Variants in RCSD1 observed in about 807,000 individuals in gnomAD.
RCSD1 encodes the protein capZ-interacting protein.
In RCSD1, 26 loss-of-function variants were observed where a neutral mutation model predicts 42.5. That is an observed-to-expected ratio of 0.61 (90% CI 0.45 to 0.85). The LOEUF is 0.85. RCSD1 is among the 40% of genes least tolerant of loss of function. RCSD1 has a pLI of 0.00. For synonymous variants in RCSD1, 220 were observed against 212.2 expected, an observed-to-expected ratio of 1.04 and a Z score of -0.32; for missense variants, 571 against 528.3, an observed-to-expected ratio of 1.08 and a Z score of -0.79.
At chr1:167,685,391 CTGTG>C in intron 2 of RCSD1, 26 bp from the exon 3 acceptor site, 4 of 1,585,026 alleles carry the variant, frequency 2.5e-6, no homozygotes, top group Non-Finnish European at 3.5e-6. Flanking sequence ...CTCTTTTTCT[CTGTG>C]TGTCTGTCTG....
At chr1:167,702,147 G>A (rs571109815) in intron 6 of RCSD1, among the ~76,000 whole-genome samples, 34 of 152,332 alleles carry the variant, frequency 2.2e-4, no homozygotes, top group South Asian at 2.1e-4. Context: ...AACAAATAAC[G>A]ACAAGGCAGT....
intron 1 of RCSD1, among the ~76,000 whole-genome samples, chr1:167,660,524 C>T (rs1378826709): frequency 1.3e-5 from 2 of 151,558 alleles, no homozygotes; most frequent in Non-Finnish European, 2.9e-5. Context: ...GGCTGGAGTG[C>T]AGTCATAGCT....
chr1:167,658,275 T>A (rs1050385596), intron 1 of RCSD1, among the ~76,000 whole-genome samples: 1 of 152,232 alleles, frequency 6.6e-6, no homozygotes, highest in Non-Finnish European at 1.5e-5. Context: ...TACATATACA[T>A]TGTGAGCATA....
chr1:167,635,326 C>A (rs1024222479), intron 1 of RCSD1, among the ~76,000 whole-genome samples: 13 of 152,118 alleles, frequency 8.5e-5, no homozygotes, highest in Middle Eastern at 3.2e-3. Flanking sequence ...CTCTGGCTCC[C>A]GCGTGTTCTG....
intron 1 of RCSD1, among the ~76,000 whole-genome samples, chr1:167,656,595 C>G (rs189941194): frequency 6.6e-6 from 1 of 152,098 alleles, no homozygotes; most frequent in Non-Finnish European, 1.5e-5. Flanking sequence ...GAAAAATGAC[C>G]CAATGTAACA....
intron 1 of RCSD1, among the ~76,000 whole-genome samples, chr1:167,647,590 TA>T (rs1658190127): frequency 6.6e-6 from 1 of 150,942 alleles, no homozygotes; most frequent in Non-Finnish European, 1.5e-5. Flanking sequence ...ATAAATAAAA[TA>T]AAAGCAGTGC....
chr1:167,656,058 T>C (rs1353109159), intron 1 of RCSD1, among the ~76,000 whole-genome samples: 2 of 152,218 alleles, frequency 1.3e-5, no homozygotes, highest in Non-Finnish European at 2.9e-5. Flanking sequence ...ATCTGTCTTT[T>C]AGAAGCAACA....
rs945875 is a variant in RCSD1 at position 167,704,046 on chromosome 1, A to G, written c.1219-618A>G. ...TTCCCAAATGTTTCCATTTCTCAGC[A>G]AAAGAACTGATGGGGACGAGGCTGG... On this transcript the variant is annotated intron_variant, in intron 6 of 6. Coordinates refer to ENST00000367854, the MANE Select transcript of RCSD1 (RefSeq NM_052862.4). Among the ~76,000 whole-genome samples, 149 of 152,284 alleles carry G rather than the reference A, an allele frequency of 9.8e-4. 2 individuals are homozygous for G. In the South Asian group the frequency reaches 0.029, roughly 30 times the overall value.
In RCSD1 at chr1:167,705,863, A is replaced by G. The variant is rs923063931; in HGVS notation, c.*1167A>G. On this transcript the variant is annotated 3_prime_UTR_variant, in exon 7 of 7. Coordinates refer to ENST00000367854, the MANE Select transcript of RCSD1 (RefSeq NM_052862.4). ...TTGACTTGTATCCTCTCCCCTCTTC[A>G]TACACTCCTGCTGAAAAATGTTAAT... 4 of 152,188 alleles carry G rather than the reference A, an allele frequency of 2.6e-5. No homozygotes were observed. The highest frequency in any genetic ancestry group is 5.9e-5 in the Non-Finnish European group (4 of 68,046). The allele number at this position is 152,188 out of a possible 1,614,324, so 9.4% of individuals were successfully genotyped here. A position where few individuals can be genotyped will look rare whatever the true frequency, so the allele number is the denominator to read the frequency against.
intron 1 of RCSD1, among the ~76,000 whole-genome samples, chr1:167,665,316 ATAG>A (rs1658630641): frequency 6.6e-6 from 1 of 151,970 alleles, no homozygotes; most frequent in Admixed American, 6.6e-5. Context: ...TTATTGCTGA[ATAG>A]TATTCCATAA....
Position 167,694,254 on chromosome 1 carries a change from C to A in RCSD1, c.426C>A (p.Val142=). 6.2e-7 allele frequency: 1 copy of A among 1,614,242 alleles called. No homozygotes were observed. The highest frequency in any genetic ancestry group is 8.5e-7 in the Non-Finnish European group (1 of 1,180,050). The change falls in exon 5 of 7, where the codon GTC becomes GTA. Residue 142 remains valine (V), a synonymous_variant. Coordinates refer to ENST00000367854, the MANE Select transcript of RCSD1 (RefSeq NM_052862.4). ...SRPSEAEEVP[V]SFDQPPEGSH... Reference sequence around the variant, plus strand: ...CCAGCGAGGCAGAGGAGGTGCCTGTCAGCTTCGACCAGCCCCCTGAAGGCA... The same window carrying A: ...CCAGCGAGGCAGAGGAGGTGCCTGTAAGCTTCGACCAGCCCCCTGAAGGCA...
rs1014232996 is a variant in RCSD1, at chr1:167,704,811, G to A, written c.*115G>A. 10 of 1,023,250 alleles carry A rather than the reference G, an allele frequency of 9.8e-6. No individual in the cohort carries two copies. In the Admixed American group the frequency reaches 1.5e-4, roughly 16 times the overall value. 63.4% of individuals were successfully genotyped at this position (1,023,250 alleles called of 1,614,324 possible). The stretch of plus-strand genomic sequence containing the variant: ...ATTGCAGAGGCAGAATATGCTGAGT[G>A]TCTGGAGTCAGCCTGAAGACACAGG... On this transcript the variant is annotated 3_prime_UTR_variant, in exon 7 of 7. Coordinates refer to ENST00000367854, the MANE Select transcript of RCSD1 (RefSeq NM_052862.4).
intron 4 of RCSD1, among the ~76,000 whole-genome samples, chr1:167,691,982 C>T (rs931160377): frequency 1.9e-4 from 29 of 152,142 alleles, no homozygotes; most frequent in African/African-American, 6.5e-4. Context: ...TGTAGCCCAC[C>T]CTAGCCCTCA....
At chr1:167,679,850 G>A (rs1297173850) in intron 1 of RCSD1, among the ~76,000 whole-genome samples, 2 of 152,292 alleles carry the variant, frequency 1.3e-5, no homozygotes, top group East Asian at 1.9e-4. Context: ...AGTCTGGCCT[G>A]TACATAAAGG....
At chr1:167,687,378 G>GC (rs11384646) in intron 3 of RCSD1, among the ~76,000 whole-genome samples, 29,476 of 151,902 alleles carry the variant, frequency 0.19, 5,557 homozygotes, top group African/African-American at 0.49. Context: ...CAAAAAATTA[G>GC]CAGGCGTGGT....
At chr1:167,667,938 T>C (rs1277456270) in intron 1 of RCSD1, among the ~76,000 whole-genome samples, 2 of 152,128 alleles carry the variant, frequency 1.3e-5, no homozygotes, top group African/African-American at 2.4e-5. Flanking sequence ...GAATAACACA[T>C]GGTCTGTGTG....
chr1:167,664,658 G>A (rs1204664265), intron 1 of RCSD1: 1 of 152,232 alleles, frequency 6.6e-6, no homozygotes, highest in African/African-American at 2.4e-5. Context: ...TAATCCTTGT[G>A]CTTTGGGAGG....
chr1:167,677,841 G>T (rs1180243880), intron 1 of RCSD1, among the ~76,000 whole-genome samples: 1 of 152,186 alleles, frequency 6.6e-6, no homozygotes, highest in Non-Finnish European at 1.5e-5. Flanking sequence ...TTAGGGAAAA[G>T]ATCTTGAGGC....
intron 1 of RCSD1, among the ~76,000 whole-genome samples, chr1:167,683,598 T>A (rs925288525): frequency 1.3e-5 from 2 of 152,146 alleles, no homozygotes; most frequent in Non-Finnish European, 2.9e-5. Flanking sequence ...GGTGGGGTCC[T>A]TGAGGAATGA....
Sources: gnomAD v4.1 joint callset for allele counts (sites outside exome capture counted in the v4.1 genomes callset) on GRCh38, gnomAD v4.1.1 for gene constraint, MANE v1.5 for transcripts, NCBI Gene and HGNC (gene_info 2026-07-23, HGNC 2026-07-21) for gene names.